The following RBFOX3 variants were observed in gnomAD, a reference collection of about 807,000 sequenced individuals.
RBFOX3 encodes the protein RNA binding fox-1 homolog 3.
Under a neutral mutation model 48.7 loss-of-function variants are expected in RBFOX3, and 17 were observed. The ratio of observed to expected loss-of-function variants is 0.35; its 90% CI spans 0.24 to 0.52. The LOEUF (loss-of-function observed/expected upper bound fraction) is 0.52. Ranked by LOEUF, RBFOX3 falls within the 20% of genes least tolerant of loss-of-function variation. The pLI is 0.94. For missense variants in RBFOX3, 382 were observed against 497.5 expected (o/e 0.77, Z 2.21); for synonymous variants, 212 against 209.5 (o/e 1.01, Z -0.10).
intron 2 of RBFOX3, among the ~76,000 whole-genome samples, chr17:79,413,535 C>T (rs1371395393): frequency 6.6e-6 from 1 of 152,274 alleles, no homozygotes; most frequent in Non-Finnish European, 1.5e-5. Context: ...GCCGTGAGCT[C>T]TTCTCTTCCC....
chr17:79,645,706 C>T, the RBFOX3 span, among the ~76,000 whole-genome samples: 20 of 152,162 alleles, frequency 1.3e-4, no homozygotes, highest in South Asian at 2.1e-4. Context: ...CTGCCTGGAC[C>T]GCAGCGGCCT....
chr17:79,608,368 G>A, intron 1 of RBFOX3, among the ~76,000 whole-genome samples: 1 of 152,372 alleles, frequency 6.6e-6, no homozygotes, highest in Non-Finnish European at 1.5e-5. Context: ...GGCTCCTCCT[G>A]GCACCCAGAG....
At chr17:79,564,693 C>T (rs2092388174) in intron 1 of RBFOX3, among the ~76,000 whole-genome samples, 1 of 152,130 alleles carries the variant, frequency 6.6e-6, no homozygotes, top group Non-Finnish European at 1.5e-5. Context: ...AAAGAGGAAA[C>T]AAATTATGAA....
intron 1 of RBFOX3, among the ~76,000 whole-genome samples, chr17:79,528,042 A>T (rs953459544): frequency 0.18 from 27,717 of 151,968 alleles, 6,640 homozygotes; most frequent in African/African-American, 0.56. Context: ...TAGTTGAACC[A>T]CTGAGTACCT....
At chr17:79,647,828 C>CCTGT in the RBFOX3 span, among the ~76,000 whole-genome samples, 1 of 152,220 alleles carries the variant, frequency 6.6e-6, no homozygotes. Flanking sequence ...CCAACTCACA[C>CCTGT]CTGTCTCCCA....
At chr17:79,241,176 C>CTTTT (rs77856240) in intron 3 of RBFOX3, among the ~76,000 whole-genome samples, 1 of 142,160 alleles carries the variant, frequency 7.0e-6, no homozygotes, top group African/African-American at 2.6e-5. Flanking sequence ...TCTATTTAAT[C>CTTTT]TTTTTTTTTT....
rs1173912569 is a variant in RBFOX3 at position 79,443,455 on chromosome 17, C to A, written c.-175+38999G>T. On this transcript the variant is annotated intron_variant, in intron 2 of 14. Coordinates refer to ENST00000693108, the MANE Select transcript of RBFOX3 (RefSeq NM_001350451.2). This position sits in a 1 kb window ranked among gnomAD's most constrained non-coding sequence, Gnocchi z 4.4. ...GGAGTGCAGTGGCTCGATCTCGGCTCGCTGCAACCTCTGCCTCCCAGGTTC... is the reference window on the plus strand; with the variant it reads ...GGAGTGCAGTGGCTCGATCTCGGCTAGCTGCAACCTCTGCCTCCCAGGTTC... 2.6e-5 allele frequency among the ~76,000 whole-genome samples: 4 copies of A among 152,068 alleles called. No individual in the cohort carries two copies. Among genetic ancestry groups the A allele is most frequent in the African/African-American group, 9.7e-5 (4 of 41,400 alleles).
chr17:79,097,324 C>T lies in RBFOX3; in HGVS notation c.723G>A (p.Ala241=). 2.6e-6 allele frequency: 4 copies of T among 1,545,736 alleles called. No individual in the cohort carries two copies. Among genetic ancestry groups the T allele is most frequent in the Non-Finnish European group, 2.6e-6 (3 of 1,144,090 alleles). ...AAGTCGGGATGGGGGGTGGGGGTGG[C>T]GCAGCCCGAAATGTATTATACACGG... The part of the protein sequence containing the change: ...GRAVYNTFRA[A]PPPPPIPTYG... Residue 241 remains alanine, a synonymous_variant, in exon 11 of 15, where the codon GCG becomes GCA. Coordinates refer to ENST00000693108, the MANE Select transcript of RBFOX3 (RefSeq NM_001350451.2).
chr17:79,100,723 C>T (rs751763106), intron 9 of RBFOX3, among the ~76,000 whole-genome samples: 4 of 152,216 alleles, frequency 2.6e-5, no homozygotes, highest in Non-Finnish European at 4.4e-5. Flanking sequence ...CAGGAATGAG[C>T]GGAGGCCCCC....
chr17:79,436,981 C>T (rs1555731513), intron 2 of RBFOX3, among the ~76,000 whole-genome samples: 3 of 152,220 alleles, frequency 2.0e-5, no homozygotes, highest in Non-Finnish European at 4.4e-5. Context: ...TCCTGGGAAG[C>T]ACTCTGTTAG....
rs1002142218 is a variant in RBFOX3, at chr17:79,327,138, CA to C, written c.-174-19315del. ...GGACCAGCCTGGGCTGGGTACCCCC[CA>C]CACCTTCCCCACAAGGCTCTCCCTC... On this transcript the variant is annotated intron_variant, in intron 2 of 14. Coordinates refer to ENST00000693108, the MANE Select transcript of RBFOX3 (RefSeq NM_001350451.2). Among the ~76,000 whole-genome samples the C allele has an allele frequency of 5.9e-5, 9 of 152,338 alleles. 1 individual carries two copies. The South Asian group carries it at 1.2e-3, about 21-fold the overall frequency.
In RBFOX3 at chr17:79,103,588, G is replaced by C. The variant is rs2076842558; in HGVS notation, c.415-334C>G. Reference sequence around the variant, plus strand: ...TGACCACAGGCCAGGCCTGCCCCCTGAACCCCACCTTGGGGTAGGGGGCCC... The same window carrying C: ...TGACCACAGGCCAGGCCTGCCCCCTCAACCCCACCTTGGGGTAGGGGGCCC... On this transcript the variant is annotated intron_variant, in intron 7 of 14. Transcript: ENST00000693108. The surrounding 1 kb of genome is among the most constrained non-coding windows in gnomAD (Gnocchi z 6.1). Among the ~76,000 whole-genome samples the C allele has an allele frequency of 1.3e-5, 2 of 152,170 alleles. No homozygotes were observed. The highest frequency in any genetic ancestry group is 4.8e-5 in the African/African-American group (2 of 41,442).
the RBFOX3 span, among the ~76,000 whole-genome samples, chr17:79,620,562 C>T: frequency 6.9e-6 from 1 of 144,268 alleles, no homozygotes; most frequent in African/African-American, 2.6e-5. Flanking sequence ...CACATGTGCA[C>T]ACCCGCGCGT....
chr17:79,270,307 T>C (rs1224360751), intron 3 of RBFOX3, among the ~76,000 whole-genome samples: 1 of 152,110 alleles, frequency 6.6e-6, no homozygotes, highest in Admixed American at 6.5e-5. Flanking sequence ...TTCAGAACCA[T>C]CTCTGCAGGT....
At chr17:79,559,613 GTAGA>G (rs1214397496) in intron 1 of RBFOX3, among the ~76,000 whole-genome samples, 2 of 117,222 alleles carry the variant, frequency 1.7e-5, no homozygotes, top group African/African-American at 6.2e-5. Flanking sequence ...GAGTGAATAG[GTAGA>G]TGGATGGATG....
At chr17:79,264,264 C>T (rs1217604356) in intron 3 of RBFOX3, among the ~76,000 whole-genome samples, 1 of 151,876 alleles carries the variant, frequency 6.6e-6, no homozygotes, top group African/African-American at 2.4e-5. Context: ...TTAGTAGAGA[C>T]AGGATTTCAC....
At chr17:79,439,166 G>A (rs983655548) in intron 2 of RBFOX3, among the ~76,000 whole-genome samples, 6 of 152,214 alleles carry the variant, frequency 3.9e-5, no homozygotes, top group Non-Finnish European at 7.3e-5. Flanking sequence ...GCAGCAAGCT[G>A]TCGGCAGGTC....
chr17:79,114,381 G>A (rs1186741453), intron 5 of RBFOX3, among the ~76,000 whole-genome samples: 1 of 152,182 alleles, frequency 6.6e-6, no homozygotes, highest in Non-Finnish European at 1.5e-5. Flanking sequence ...GGGCAGATTC[G>A]GGCTGGGCGG....
intron 2 of RBFOX3, among the ~76,000 whole-genome samples, chr17:79,353,083 C>T (rs974318418): frequency 2.6e-5 from 4 of 152,224 alleles, no homozygotes; most frequent in Admixed American, 1.3e-4. Flanking sequence ...ATCTGCTGCA[C>T]AGGAGGGACA....
Sources: allele counts gnomAD v4.1 joint callset (sites outside exome capture counted in the v4.1 genomes callset), GRCh38; gene constraint gnomAD v4.1.1; non-coding constraint Gnocchi (gnomAD v3.1); transcripts MANE v1.5; gene names NCBI Gene and HGNC (gene_info 2026-07-23, HGNC 2026-07-21).